KPNA3: variants seen among roughly 807,000 people sequenced by gnomAD.
KPNA3 encodes the protein karyopherin subunit alpha 3.
A neutral mutation model predicts 73.8 loss-of-function variants in KPNA3; 13 were observed. The observed-to-expected ratio is 0.18, with a 90% CI of 0.11 to 0.28. KPNA3 has a LOEUF of 0.28. KPNA3 is among the 10% of genes least tolerant of loss of function. The probability of loss-of-function intolerance (pLI) is 1.00; values close to 1 mark genes in which losing one functional copy is unlikely to be tolerated. For missense variants in KPNA3, 360 were observed against 618.1 expected (o/e 0.58, Z 4.43); for synonymous variants, 186 against 206.9 (o/e 0.90, Z 0.87).
chr13:49,788,662 T>C (rs899724474), intron 1 of KPNA3, among the ~76,000 whole-genome samples: 5 of 150,262 alleles, frequency 3.3e-5, no homozygotes, highest in Admixed American at 2.0e-4. Context: ...GCGAAGGTTA[T>C]AGTGAGCCGA....
chr13:49,744,620 G>A (rs751670794), intron 2 of KPNA3, among the ~76,000 whole-genome samples: 13 of 152,042 alleles, frequency 8.6e-5, no homozygotes, highest in Non-Finnish European at 1.6e-4. Flanking sequence ...CTACAGGTGC[G>A]TGCCACCACA....
intron 1 of KPNA3, among the ~76,000 whole-genome samples, chr13:49,757,527 T>C (rs1954721916): frequency 6.6e-6 from 1 of 152,160 alleles, no homozygotes; most frequent in African/African-American, 2.4e-5. Context: ...AAATTTAAAA[T>C]TGTGATACTT....
rs75765320 is a variant in KPNA3, at chr13:49,701,325, A to G, written c.*475T>C. 0.022 allele frequency: 4,462 copies of G among 202,542 alleles called. 219 individuals carry two copies. Among genetic ancestry groups the G allele is most frequent in the African/African-American group, 0.097 (4,157 of 42,690 alleles). The allele number at this position is 202,542 out of a possible 1,614,324, so 12.5% of individuals were successfully genotyped here. On this transcript the variant is annotated 3_prime_UTR_variant, in exon 17 of 17. Transcript: ENST00000261667. ...TGTACTTTAAAATCTATTCTTCCAC[A>G]TAAAGAATATGAAAATATGTTTGTG...
In KPNA3 at chr13:49,768,278, C is replaced by CAA. The variant is rs35217633; in HGVS notation, c.70-21287_70-21286dup. Among the ~76,000 whole-genome samples the CAA allele has an allele frequency of 7.6e-3, 723 of 94,694 alleles. 12 individuals carry two copies. The highest frequency in any genetic ancestry group is 0.026 in the African/African-American group (608 of 23,302). 62.1% of individuals were successfully genotyped at this position (94,694 alleles called of 152,430 possible). A position where few individuals can be genotyped will look rare whatever the true frequency, so the allele number is the denominator to read the frequency against. On this transcript the variant is annotated intron_variant, in intron 1 of 16. Transcript: ENST00000261667. ...TGGGCAACAGTGCGAGACTCTGTCT[C>CAA]AAAAAAAAAAAAAAAAAAAGCTGCT...
In KPNA3 at chr13:49,719,807, A is replaced by C. The variant is rs778927656; in HGVS notation, c.739T>G (p.Leu247Val). 1.9e-6 allele frequency: 3 copies of C among 1,593,126 alleles called. No individual in the cohort carries two copies. Among genetic ancestry groups the C allele is most frequent in the Non-Finnish European group, 2.6e-6 (3 of 1,162,458 alleles). The change falls in exon 10 of 17, where the codon TTA becomes GTA. Residue 247 changes from leucine (L) to valine (V), a missense_variant. Leu to Val is a conservative substitution (Grantham distance 32). This residue lies in a region of KPNA3 where 287 missense variants were observed against 549.1 expected (regional missense o/e 0.52). Coordinates refer to ENST00000261667, the MANE Select transcript of KPNA3 (RefSeq NM_002267.4). Reference sequence around the variant, plus strand: ...TCTGTATGGTATATGAGGACACATAAAGCTGGCAAAATCTGAGGAAAGAAA... The same window carrying C: ...TCTGTATGGTATATGAGGACACATACAGCTGGCAAAATCTGAGGAAAGAAA... ...METVQEILPA[L>V]CVLIYHTDIN...
intron 1 of KPNA3, among the ~76,000 whole-genome samples, chr13:49,755,421 A>G (rs1300707500): frequency 2.6e-5 from 4 of 152,214 alleles, no homozygotes; most frequent in African/African-American, 9.7e-5. Context: ...TCTCACCACT[A>G]TTATTCAACA....
chr13:49,709,106 T>C (rs1393682216), intron 12 of KPNA3, among the ~76,000 whole-genome samples: 1 of 151,936 alleles, frequency 6.6e-6, no homozygotes, highest in African/African-American at 2.4e-5. Flanking sequence ...CCAGAAGCGA[T>C]TAAAAGTTGA....
intron 12 of KPNA3, among the ~76,000 whole-genome samples, chr13:49,706,610 C>T (rs1208457222): frequency 6.6e-6 from 1 of 152,112 alleles, no homozygotes; most frequent in African/African-American, 2.4e-5. Flanking sequence ...TATAGGCCTA[C>T]TATAAGCTAG....
intron 1 of KPNA3, among the ~76,000 whole-genome samples, chr13:49,789,114 A>T (rs1261911108): frequency 6.6e-6 from 1 of 152,136 alleles, no homozygotes; most frequent in African/African-American, 2.4e-5. Flanking sequence ...CCATTGCTCT[A>T]ATCATGTTAC....
chr13:49,721,636 G>A (rs964337035), intron 9 of KPNA3, among the ~76,000 whole-genome samples: 1 of 152,070 alleles, frequency 6.6e-6, no homozygotes, highest in African/African-American at 2.4e-5. Flanking sequence ...TGGCTAACAT[G>A]GTGAAACCCC....
At chr13:49,722,194 G>A (rs73192696) in intron 8 of KPNA3, 70 bp from the exon 9 acceptor site, 12,116 of 1,009,494 alleles carry the variant, frequency 0.012, 99 homozygotes, top group Non-Finnish European at 0.014. Context: ...TGTATGCAAT[G>A]GCTCATGTGG....
chr13:49,753,134 G>A (rs1010178343), intron 1 of KPNA3, among the ~76,000 whole-genome samples: 8 of 148,264 alleles, frequency 5.4e-5, no homozygotes, highest in African/African-American at 1.2e-4. Flanking sequence ...TAAGAAAACC[G>A]AAGCAATGAA....
At chr13:49,782,922 T>C (rs1535543) in intron 1 of KPNA3, among the ~76,000 whole-genome samples, 36,358 of 151,124 alleles carry the variant, frequency 0.24, 5,202 homozygotes, top group Non-Finnish European at 0.32. Flanking sequence ...CACTAGAATA[T>C]GTAAAGCATC....
chr13:49,726,761 G>A (rs1954413554), intron 6 of KPNA3, among the ~76,000 whole-genome samples: 1 of 151,632 alleles, frequency 6.6e-6, no homozygotes, highest in Admixed American at 6.6e-5. Context: ...TGGGCAACAC[G>A]GTGAGACCCC....
rs747484729 is a variant in KPNA3 at position 49,725,517 on chromosome 13, AAC to A, written c.384-18_384-17del. 12 of 1,523,618 alleles carry A rather than the reference AAC, an allele frequency of 7.9e-6. No homozygotes were observed. In the South Asian group the frequency reaches 1.2e-4, roughly 16 times the overall value. The allele number at this position is 1,523,618 out of a possible 1,614,324, so 94.4% of individuals were successfully genotyped here. A position where few individuals can be genotyped will look rare whatever the true frequency, so the allele number is the denominator to read the frequency against. ...TAATGAAGGACTGTAAAAAAACAATAACACATCTTTTTAGACACATAACTACC... is the reference window on the plus strand; with the variant it reads ...TAATGAAGGACTGTAAAAAAACAATAACATCTTTTTAGACACATAACTACC... On this transcript the variant is annotated splice_polypyrimidine_tract_variant and intron_variant, in intron 6 of 16. Transcript: ENST00000261667.
intron 1 of KPNA3, among the ~76,000 whole-genome samples, chr13:49,771,153 G>T (rs1954852296): frequency 6.8e-6 from 1 of 147,104 alleles, no homozygotes. Flanking sequence ...AAGAGAAAAA[G>T]AAGCCAAAAG....
chr13:49,734,701 T>C (rs546838671), intron 2 of KPNA3, among the ~76,000 whole-genome samples: 14 of 152,282 alleles, frequency 9.2e-5, no homozygotes, highest in East Asian at 1.9e-4. Flanking sequence ...AGCGCAGAGT[T>C]TGGAAACTAC....
chr13:49,745,249 A>G (rs1954606253), intron 2 of KPNA3, among the ~76,000 whole-genome samples: 1 of 152,224 alleles, frequency 6.6e-6, no homozygotes, highest in Non-Finnish European at 1.5e-5. Flanking sequence ...TATTTAAAAT[A>G]ATTCTTAAAT....
At chr13:49,749,352 G>T (rs370300329) in intron 1 of KPNA3, among the ~76,000 whole-genome samples, 1 of 152,194 alleles carries the variant, frequency 6.6e-6, no homozygotes. Context: ...TCTGCATAAG[G>T]AAAGTTGGAA....
Sources: allele counts gnomAD v4.1 joint callset (sites outside exome capture counted in the v4.1 genomes callset), GRCh38; gene constraint gnomAD v4.1.1; regional missense constraint gnomAD v4.1.1; transcripts MANE v1.5; gene names NCBI Gene and HGNC (gene_info 2026-07-23, HGNC 2026-07-21).